The following TMEM245 variants were observed in gnomAD, a reference collection of about 807,000 sequenced individuals.
TMEM245 encodes the protein transmembrane protein 245.
In TMEM245, 69 loss-of-function variants were observed where a neutral mutation model predicts 101.2. The observed-to-expected ratio is 0.68, with a 90% CI of 0.56 to 0.83. The LOEUF (loss-of-function observed/expected upper bound fraction) is 0.83, where lower values mean the gene tolerates loss of function less well. TMEM245 is among the 40% of genes least tolerant of loss of function. TMEM245 has a pLI of 0.00. For synonymous variants in TMEM245, 537 were observed against 449.8 expected (o/e 1.19, Z -2.45); for missense variants, 1,075 against 1,092.8 (o/e 0.98, Z 0.23).
intron 1 of TMEM245, 115 bp downstream of exon 1, chr9:109,119,220 T>C (rs1302208482): frequency 3.0e-5 from 30 of 995,630 alleles, no homozygotes; most frequent in Non-Finnish European, 4.0e-5. Flanking sequence ...GGACGGTCAC[T>C]GCAGCACAGG....
In TMEM245 at chr9:109,093,349, C is replaced by A. The variant is rs146676005; in HGVS notation, c.916+126G>T. The A allele has an allele frequency of 5.9e-4, 449 of 758,720 alleles. 5 individuals are homozygous for A. In the East Asian group the frequency reaches 7.7e-3, roughly 13 times the overall value. 47.0% of individuals were successfully genotyped at this position (758,720 alleles called of 1,614,324 possible). On this transcript the variant is annotated intron_variant, in intron 4 of 17. Transcript: ENST00000374586. ...GGGAAAAGGGCATAAAAATAGGAACCAAAGAGAATAAATGAAGGATCAGCA... is the reference window on the plus strand; with the variant it reads ...GGGAAAAGGGCATAAAAATAGGAACAAAAGAGAATAAATGAAGGATCAGCA...
intron 1 of TMEM245, among the ~76,000 whole-genome samples, chr9:109,111,254 T>C (rs1432563838): frequency 6.6e-6 from 1 of 152,152 alleles, no homozygotes; most frequent in Non-Finnish European, 1.5e-5. Context: ...GTTTTTCCAA[T>C]AAACTATAGC....
chr9:109,095,405 G>A (rs556551715), intron 3 of TMEM245, among the ~76,000 whole-genome samples: 60 of 152,314 alleles, frequency 3.9e-4, no homozygotes, highest in Middle Eastern at 3.4e-3. Flanking sequence ...GAAATGCTGG[G>A]TATCTTGTGA....
At chr9:109,088,886 C>G (rs556765884) in intron 5 of TMEM245, among the ~76,000 whole-genome samples, 17 of 19,940 alleles carry the variant, frequency 8.5e-4, no homozygotes, top group Admixed American at 3.4e-3. Flanking sequence ...CTCAGTTTAA[C>G]AGGAAGCATG....
chr9:109,052,834 G>C (rs553388409), intron 12 of TMEM245, among the ~76,000 whole-genome samples: 119 of 152,140 alleles, frequency 7.8e-4, no homozygotes, highest in African/African-American at 2.7e-3. Flanking sequence ...AATAGTTTCT[G>C]GGTTGCACTG....
Position 109,108,433 on chromosome 9 carries a change from AAAAAAAAG to A in TMEM245, c.697+12_697+19del. ...TTAGGCTAGACTTAAAAAAAAAAAA[AAAAAAAAG>A]AAGGAACCCACCTAAATGAAAAAGC... On this transcript the variant is annotated intron_variant, in intron 2 of 17. Transcript: ENST00000374586. 7.1e-7 allele frequency: 1 copy of A among 1,412,050 alleles called. No individual in the cohort carries two copies. Among genetic ancestry groups the A allele is most frequent in the Non-Finnish European group, 9.5e-7 (1 of 1,050,926 alleles). The allele number at this position is 1,412,050 out of a possible 1,614,324, so 87.5% of individuals were successfully genotyped here.
intron 3 of TMEM245, among the ~76,000 whole-genome samples, chr9:109,106,087 C>T (rs948679512): frequency 2.6e-5 from 4 of 151,996 alleles, no homozygotes; most frequent in Non-Finnish European, 4.4e-5. Context: ...GCCATTTTTA[C>T]GTGATTACTG....
intron 5 of TMEM245, among the ~76,000 whole-genome samples, chr9:109,089,103 C>CA (rs1333199413): frequency 6.6e-6 from 1 of 151,356 alleles, no homozygotes; most frequent in Non-Finnish European, 1.5e-5. Context: ...TGGCAAACTA[C>CA]AAAAAATACA....
chr9:109,119,883 G>A lies in TMEM245; in HGVS notation c.31C>T (p.Pro11Ser), dbSNP rs1238561480. 1.2e-5 allele frequency: 15 copies of A among 1,301,442 alleles called. No individual in the cohort carries two copies. The African/African-American group carries it at 1.5e-4, about 13-fold the overall frequency. 80.6% of individuals were successfully genotyped at this position (1,301,442 alleles called of 1,614,324 possible). A position where few individuals can be genotyped will look rare whatever the true frequency, so the allele number is the denominator to read the frequency against. Residue 11 changes from proline to serine, a missense_variant, in exon 1 of 18, where the codon CCA becomes TCA. Pro to Ser is a moderately conservative substitution (Grantham distance 74). Around this residue, in one of 2 missense-constraint regions of TMEM245, gnomAD observed 808 missense variants for 741.5 expected, o/e 1.09. Transcript: ENST00000374586. MADGGGPKDAPSLRSSPGPAP... is the reference protein window; with the variant it reads MADGGGPKDASSLRSSPGPAP... ...GGCCCGGGAGAGCTCCGCAGGCTTG[G>A]CGCGTCCTTAGGGCCGCCGCCGTCG...
chr9:109,065,962 G>A (rs974827491), intron 9 of TMEM245, among the ~76,000 whole-genome samples: 2 of 152,174 alleles, frequency 1.3e-5, no homozygotes, highest in Non-Finnish European at 2.9e-5. Context: ...GAGAAAGTCA[G>A]TTGCCACTGA....
At chr9:109,085,845 T>G in intron 7 of TMEM245, 152 bp downstream of exon 7, 1 of 799,120 alleles carries the variant, frequency 1.3e-6, no homozygotes, top group Non-Finnish European at 2.1e-6. Context: ...ACTGTGATAG[T>G]ATTCATGCTT....
Position 109,093,478 on chromosome 9 carries a change from C to A in TMEM245, c.913G>T (p.Ala305Ser). ...SSEDQPSTQP[A>S]EAVDRGESAP... ...ATGTCACCAGAACATCAGTCACCTGCAGGCTGAGTGGAGGGCTGGTCTTCA... is the reference window on the plus strand; with the variant it reads ...ATGTCACCAGAACATCAGTCACCTGAAGGCTGAGTGGAGGGCTGGTCTTCA... Residue 305 changes from alanine to serine, a missense_variant, in exon 4 of 18, where the codon GCA (alanine) becomes TCA (serine). Ala to Ser is a moderately conservative substitution (Grantham distance 99). Around this residue, in one of 2 missense-constraint regions of TMEM245, gnomAD observed 808 missense variants for 741.5 expected, o/e 1.09. Transcript: ENST00000374586. 5 of 1,611,866 alleles carry A rather than the reference C, an allele frequency of 3.1e-6. No homozygotes were observed. Among genetic ancestry groups the A allele is most frequent in the Non-Finnish European group, 3.4e-6 (4 of 1,179,170 alleles).
In TMEM245 at chr9:109,033,423, A is replaced by C; in HGVS notation, c.2478T>G (p.Gly826=). Residue 826 remains glycine, a synonymous_variant, in exon 17 of 18, where the codon GGT becomes GGG. Transcript: ENST00000374586. The part of the protein sequence containing the change: ...YYLGLEGAII[G]PILLCILVVA... ...CCACAAGTATGCAGAGAAGAATAGG[A>C]CCGATGATTGCTCCTTCCAGGCCTA... is the stretch of plus-strand genomic sequence containing the variant. 3.1e-6 allele frequency: 5 copies of C among 1,614,116 alleles called. No individual in the cohort carries two copies. The highest frequency in any genetic ancestry group is 4.2e-6 in the Non-Finnish European group (5 of 1,179,996).
At chr9:109,023,409 C>T (rs1457703683) in intron 17 of TMEM245, among the ~76,000 whole-genome samples, 4 of 152,182 alleles carry the variant, frequency 2.6e-5, no homozygotes, top group African/African-American at 9.6e-5. Flanking sequence ...ACGTTAGAAA[C>T]AAATACTGTA....
intron 3 of TMEM245, among the ~76,000 whole-genome samples, 173 bp from the exon 4 acceptor site, chr9:109,093,764 T>TA (rs1349267563): frequency 2.0e-5 from 3 of 152,296 alleles, no homozygotes; most frequent in African/African-American, 7.2e-5. Flanking sequence ...GAAAGTGTGC[T>TA]AAAAAAGCAA....
At chr9:109,118,292 C>T (rs763101166) in intron 1 of TMEM245, among the ~76,000 whole-genome samples, 1 of 152,202 alleles carries the variant, frequency 6.6e-6, no homozygotes, top group Non-Finnish European at 1.5e-5. Flanking sequence ...CAAGCCAAAA[C>T]ACCGCTAGAC....
chr9:109,077,844 G>C (rs1449265677), intron 8 of TMEM245, among the ~76,000 whole-genome samples: 2 of 152,130 alleles, frequency 1.3e-5, no homozygotes, highest in African/African-American at 2.4e-5. Flanking sequence ...AAGCAAGTTG[G>C]AACTTGCTTT....
intron 9 of TMEM245, among the ~76,000 whole-genome samples, chr9:109,068,379 A>C (rs1433604433): frequency 6.6e-6 from 1 of 151,660 alleles, no homozygotes; most frequent in Non-Finnish European, 1.5e-5. Context: ...CAAAAAAAAA[A>C]AAAAAAAGGC....
At position 109,036,496 on chromosome 9, in the gene TMEM245, C is replaced by G. The variant is rs765869822; in HGVS notation, c.2225-116G>C. The G allele has an allele frequency of 4.0e-6, 4 of 1,001,648 alleles. No individual in the cohort carries two copies. The African/African-American group carries it at 4.9e-5, about 12-fold the overall frequency. The allele number at this position is 1,001,648 out of a possible 1,614,324, so 62.0% of individuals were successfully genotyped here. A position where few individuals can be genotyped will look rare whatever the true frequency, so the allele number is the denominator to read the frequency against. On this transcript the variant is annotated intron_variant, in intron 15 of 17. Coordinates refer to ENST00000374586, the MANE Select transcript of TMEM245 (RefSeq NM_032012.4). ...CTTCCAACAAAACAAGTTAAATACT[C>G]ACAAACTCAAATATTAGGGAAATGA... is the stretch of plus-strand genomic sequence containing the variant.
Sources: gnomAD v4.1 joint callset for allele counts (sites outside exome capture counted in the v4.1 genomes callset) on GRCh38, gnomAD v4.1.1 for gene constraint, gnomAD v4.1.1 regional missense constraint, MANE v1.5 for transcripts, NCBI Gene and HGNC (gene_info 2026-07-23, HGNC 2026-07-21) for gene names.